MEMO1: variants seen among roughly 807,000 people sequenced by gnomAD.
MEMO1 encodes mediator of cell motility 1, also known as protein MEMO1.
A neutral mutation model predicts 45.2 loss-of-function variants in MEMO1; 6 were observed. The observed-to-expected ratio is 0.13, with a 90% CI of 0.07 to 0.26. The LOEUF (loss-of-function observed/expected upper bound fraction) is 0.26, where lower values mean the gene tolerates loss of function less well. Among genes scored for constraint, MEMO1 ranks in the 10% least tolerant of loss-of-function variants. The pLI is 1.00. For synonymous variants in MEMO1, 78 were observed against 124.3 expected, an observed-to-expected ratio of 0.63 and a Z score of 2.48; for missense variants, 184 against 370.5, an observed-to-expected ratio of 0.50 and a Z score of 4.13.
chr2:32,003,241 A>G (rs1278719316), intron 2 of MEMO1, among the ~76,000 whole-genome samples: 1 of 152,118 alleles, frequency 6.6e-6, no homozygotes, highest in Non-Finnish European at 1.5e-5. Context: ...TCAATTGTTT[A>G]GAAACATAGT....
At chr2:32,003,237 G>A (rs908696680) in intron 2 of MEMO1, among the ~76,000 whole-genome samples, 3 of 151,856 alleles carry the variant, frequency 2.0e-5, no homozygotes, top group Non-Finnish European at 4.4e-5. Context: ...TTTATCAATT[G>A]TTTAGAAACA....
intron 2 of MEMO1, among the ~76,000 whole-genome samples, chr2:31,967,127 T>G (rs1236561457): frequency 6.8e-6 from 1 of 146,440 alleles, no homozygotes; most frequent in African/African-American, 2.5e-5. Flanking sequence ...GTATTTTATT[T>G]TTTTTTTTTT....
chr2:31,882,481 C>T (rs221195), intron 8 of MEMO1, among the ~76,000 whole-genome samples: 148,801 of 152,270 alleles, frequency 0.98, 72,738 homozygotes, highest in Middle Eastern at 1. Flanking sequence ...ATTAATTCCA[C>T]TGAATTTTAG....
intron 2 of MEMO1, 77 bp downstream of exon 2, chr2:32,010,110 G>A (rs969786972): frequency 1.3e-6 from 1 of 760,356 alleles, no homozygotes; most frequent in African/African-American, 1.9e-5. Flanking sequence ...CCGCGGGGCC[G>A]GGCCGCCGAC....
intron 2 of MEMO1, among the ~76,000 whole-genome samples, chr2:31,983,765 A>G (rs1291554232): frequency 6.6e-6 from 1 of 152,186 alleles, no homozygotes; most frequent in Non-Finnish European, 1.5e-5. Context: ...TCATTTCCCA[A>G]TAAAAGAAAG....
chr2:31,935,227 T>A (rs993913256), intron 3 of MEMO1, among the ~76,000 whole-genome samples: 1 of 152,204 alleles, frequency 6.6e-6, no homozygotes, highest in South Asian at 2.1e-4. Context: ...CTAGAATACA[T>A]ACTGTTACCC....
At chr2:31,932,263 CA>C in intron 3 of MEMO1, 128 bp from the exon 4 acceptor site, 1 of 674,824 alleles carries the variant, frequency 1.5e-6, no homozygotes, top group South Asian at 2.3e-5. Context: ...TGTTAAATAA[CA>C]ATGTAGTTAA....
chr2:31,954,353 G>A (rs1667170637), intron 2 of MEMO1, among the ~76,000 whole-genome samples: 1 of 152,138 alleles, frequency 6.6e-6, no homozygotes, highest in South Asian at 2.1e-4. Context: ...GAAGGCCGAG[G>A]TGGGAGGATC....
chr2:31,961,509 T>A (rs1467120520), intron 2 of MEMO1, among the ~76,000 whole-genome samples: 4 of 151,918 alleles, frequency 2.6e-5, no homozygotes, highest in Non-Finnish European at 4.4e-5. Context: ...ACGCCTATAA[T>A]CCCAGCACTT....
intron 4 of MEMO1, 106 bp downstream of exon 4, chr2:31,931,961 T>A: frequency 1.1e-6 from 1 of 902,732 alleles, no homozygotes; most frequent in Non-Finnish European, 1.7e-6. Context: ...AAATCCCTCA[T>A]GAAATTGAGT....
intron 8 of MEMO1, among the ~76,000 whole-genome samples, chr2:31,872,559 AAAGT>A (rs1481384383): frequency 6.6e-6 from 1 of 152,198 alleles, no homozygotes; most frequent in Non-Finnish European, 1.5e-5. Flanking sequence ...CCAAGAATTC[AAAGT>A]AACTGGTCAA....
At chr2:31,911,020 G>T (rs1455240603) in intron 6 of MEMO1, among the ~76,000 whole-genome samples, 1 of 151,690 alleles carries the variant, frequency 6.6e-6, no homozygotes, top group Non-Finnish European at 1.5e-5. Flanking sequence ...ACCAGAGAAG[G>T]CAGGAAAAAA....
chr2:31,996,008 A>C (rs1672550030), intron 2 of MEMO1, among the ~76,000 whole-genome samples: 1 of 152,196 alleles, frequency 6.6e-6, no homozygotes, highest in Non-Finnish European at 1.5e-5. Flanking sequence ...ATACCTACCA[A>C]ACTACCTTTC....
At chr2:31,924,536 A>G (rs959151054) in intron 4 of MEMO1, among the ~76,000 whole-genome samples, 2 of 152,152 alleles carry the variant, frequency 1.3e-5, no homozygotes, top group Non-Finnish European at 2.9e-5. Flanking sequence ...CTTCATATAT[A>G]ATAGCTATAA....
At chr2:31,878,424 C>T (rs2147915267) in intron 8 of MEMO1, among the ~76,000 whole-genome samples, 1 of 151,972 alleles carries the variant, frequency 6.6e-6, no homozygotes, top group African/African-American at 2.4e-5. Flanking sequence ...CTTTAAGCCA[C>T]CTGAGACTGA....
chr2:31,978,967 C>T (rs35179884), intron 2 of MEMO1, among the ~76,000 whole-genome samples: 1 of 151,812 alleles, frequency 6.6e-6, no homozygotes, highest in Non-Finnish European at 1.5e-5. Flanking sequence ...CCATCCCCCC[C>T]CAAAAAAAAG....
intron 2 of MEMO1, among the ~76,000 whole-genome samples, chr2:31,995,094 A>T (rs555679481): frequency 2.6e-5 from 4 of 152,268 alleles, no homozygotes; most frequent in South Asian, 2.1e-4. Context: ...ATTATAGATT[A>T]AAAAAACAGC....
intron 6 of MEMO1, among the ~76,000 whole-genome samples, chr2:31,904,883 G>A (rs1043315774): frequency 1.4e-4 from 22 of 152,306 alleles, no homozygotes; most frequent in African/African-American, 5.3e-4. Flanking sequence ...AAAGAGACAT[G>A]CATATAGAAT....
At chr2:32,005,851 A>G (rs954800550) in intron 2 of MEMO1, among the ~76,000 whole-genome samples, 7 of 152,188 alleles carry the variant, frequency 4.6e-5, no homozygotes, top group Admixed American at 4.6e-4. Flanking sequence ...TGAGTAAGAC[A>G]TGGTACCTGG....
Sources: gnomAD v4.1 joint callset for allele counts (sites outside exome capture counted in the v4.1 genomes callset) on GRCh38, gnomAD v4.1.1 for gene constraint, MANE v1.5 for transcripts, NCBI Gene and HGNC (gene_info 2026-07-23, HGNC 2026-07-21) for gene names.